CRHR1: variants seen among roughly 807,000 people sequenced by gnomAD.
CRHR1 encodes the protein corticotropin-releasing hormone receptor 1.
In CRHR1, 28 loss-of-function variants were observed where a neutral mutation model predicts 56.0. That is an observed-to-expected ratio of 0.50 (90% CI 0.37 to 0.69). The LOEUF (loss-of-function observed/expected upper bound fraction) is 0.69. Ranked by LOEUF, CRHR1 falls within the 30% of genes least tolerant of loss-of-function variation. The probability of loss-of-function intolerance (pLI) is 0.00; values close to 1 mark genes in which losing one functional copy is unlikely to be tolerated. For missense variants in CRHR1, 376 were observed against 548.0 expected, an observed-to-expected ratio of 0.69 and a Z score of 3.13; for synonymous variants, 195 against 216.5, an observed-to-expected ratio of 0.90 and a Z score of 0.87.
chr17:45,787,164 G>A (rs1458180263), intron 1 of CRHR1, among the ~76,000 whole-genome samples: 1 of 152,212 alleles, frequency 6.6e-6, no homozygotes, highest in Non-Finnish European at 1.5e-5. Flanking sequence ...GGGGGAAAAT[G>A]TGTGTGAATG....
At position 45,821,421 on chromosome 17, in the gene CRHR1, A is replaced by G; in HGVS notation, c.308A>G (p.Gln103Arg). 6.2e-7 allele frequency: 1 copy of G among 1,613,030 alleles called. No individual in the cohort carries two copies. The change falls in exon 4 of 13, where the codon CAG becomes CGG. Residue 103 changes from glutamine to arginine, a missense_variant. Physicochemically the swap from Gln to Arg is conservative, Grantham distance 43. Coordinates refer to ENST00000314537, the MANE Select transcript of CRHR1 (RefSeq NM_004382.5). The part of the protein sequence containing the change: ...WAARVNYSEC[Q>R]EILNEEKKSK... ...GCCCGCGTGAATTACTCCGAGTGCC[A>G]GGAGATCCTCAATGAGGAGGTGAGG... is the stretch of plus-strand genomic sequence containing the variant.
chr17:45,804,423 A>T (rs1472703954), intron 1 of CRHR1, among the ~76,000 whole-genome samples: 1 of 152,040 alleles, frequency 6.6e-6, no homozygotes, highest in East Asian at 1.9e-4. Context: ...CCAGGCTCTG[A>T]CGAGGAGTGG....
intron 7 of CRHR1, 139 bp downstream of exon 7, chr17:45,830,709 T>G: frequency 8.1e-7 from 1 of 1,234,826 alleles, no homozygotes; most frequent in Non-Finnish European, 1.1e-6. Flanking sequence ...GATAGCCCTC[T>G]GCTCCTCTTG....
In CRHR1 at chr17:45,834,678, C is replaced by A; in HGVS notation, c.1162C>A (p.Arg388Ser). 1 of 1,613,590 alleles carries A rather than the reference C, an allele frequency of 6.2e-7. No homozygotes were observed. Among genetic ancestry groups the A allele is most frequent in the Non-Finnish European group, 8.5e-7 (1 of 1,179,926 alleles). ...WHRWQDKHSIRARVARAMSIP... is the reference protein window; with the variant it reads ...WHRWQDKHSISARVARAMSIP... ...CCGGTGGCAGGACAAGCACTCGATC[C>A]GTGCCCGAGTGGCCCGTGCCATGTC... Residue 388 changes from arginine to serine, a missense_variant, in exon 13 of 13, where the codon CGT becomes AGT. Transcript: ENST00000314537.
Position 45,834,914 on chromosome 17 carries a change from C to T in CRHR1, c.*150C>T, listed in dbSNP as rs536694208. On this transcript the variant is annotated 3_prime_UTR_variant, in exon 13 of 13. Transcript: ENST00000314537. ...GCACTGACAGCCTGGGGGGGCCGCT[C>T]TCCCCCTGCAGCCGTGCAGGACTCT... is the stretch of plus-strand genomic sequence containing the variant. 1.9e-6 allele frequency: 2 copies of T among 1,080,316 alleles called. No homozygotes were observed. The highest frequency in any genetic ancestry group is 2.6e-5 in the East Asian group (1 of 38,532). The allele number at this position is 1,080,316 out of a possible 1,614,324, so 66.9% of individuals were successfully genotyped here.
intron 1 of CRHR1, among the ~76,000 whole-genome samples, chr17:45,797,405 C>T (rs529920244): frequency 2.6e-4 from 39 of 151,380 alleles, no homozygotes; most frequent in African/African-American, 8.0e-4. Context: ...ATTCTCCTGC[C>T]TCAGCCTCCC....
In CRHR1 at chr17:45,830,556, T is replaced by C. The variant is rs778189231; in HGVS notation, c.695T>C (p.Ile232Thr). ...GACCGGCTGCGCAAATGGATGTTCA[T>C]CTGCATTGGCTGGGGTGAGCTGGGC... ...STDRLRKWMF[I>T]CIGWGVPFPI... Residue 232 changes from isoleucine to threonine, a missense_variant, in exon 7 of 13, where the codon ATC becomes ACC. Ile to Thr is a moderately conservative substitution (Grantham distance 89). Transcript: ENST00000314537. 4.3e-6 allele frequency: 7 copies of C among 1,610,912 alleles called. No individual in the cohort carries two copies. Among genetic ancestry groups the C allele is most frequent in the Non-Finnish European group, 5.1e-6 (6 of 1,178,518 alleles).
chr17:45,806,149 C>T (rs1184724568), intron 1 of CRHR1, among the ~76,000 whole-genome samples: 1 of 152,176 alleles, frequency 6.6e-6, no homozygotes, highest in East Asian at 1.9e-4. Flanking sequence ...TTGACTCTAA[C>T]CCTGTCGGGA....
intron 1 of CRHR1, among the ~76,000 whole-genome samples, chr17:45,798,264 G>A (rs190697180): frequency 5.9e-5 from 9 of 152,276 alleles, no homozygotes; most frequent in East Asian, 1.9e-4. Flanking sequence ...GGTGGCTCAC[G>A]CCTGTAATCC....
intron 5 of CRHR1, 74 bp downstream of exon 5, chr17:45,829,395 G>A: frequency 2.8e-6 from 4 of 1,443,560 alleles, no homozygotes; most frequent in Non-Finnish European, 2.9e-6. Context: ...AGTGAGAGGA[G>A]CAGCTCTAGG....
chr17:45,817,040 G>T (rs1236238562), intron 3 of CRHR1, among the ~76,000 whole-genome samples: 3 of 152,216 alleles, frequency 2.0e-5, no homozygotes, highest in Non-Finnish European at 4.4e-5. Flanking sequence ...GGGCCCTCCA[G>T]CCAGGAGGCA....
chr17:45,801,237 C>T (rs181871228), intron 1 of CRHR1, among the ~76,000 whole-genome samples: 92 of 152,298 alleles, frequency 6.0e-4, no homozygotes, highest in African/African-American at 2.1e-3. Context: ...TCTTCCAAGG[C>T]GCTGTCTTGA....
At position 45,784,936 on chromosome 17, in the gene CRHR1, G is replaced by A. The variant is rs923954838; in HGVS notation, c.33+359G>A. ...CGCCCTTCCTGCAGACCTCGGCCCC[G>A]GGACTGGAGACTCTGAAGCGGGGTT... On this transcript the variant is annotated intron_variant, in intron 1 of 12. Transcript: ENST00000314537. This position sits in a 1 kb window ranked among gnomAD's most constrained non-coding sequence, Gnocchi z 4.2. Among the ~76,000 whole-genome samples, 1 of 152,112 alleles carries A rather than the reference G, an allele frequency of 6.6e-6. No individual in the cohort carries two copies. Among genetic ancestry groups the A allele is most frequent in the African/African-American group, 2.4e-5 (1 of 41,438 alleles).
At chr17:45,792,139 C>T (rs754574101) in intron 1 of CRHR1, among the ~76,000 whole-genome samples, 6 of 152,098 alleles carry the variant, frequency 3.9e-5, no homozygotes, top group African/African-American at 1.4e-4. Context: ...CTCAGCTGCC[C>T]GTGCCTGGCT....
At chr17:45,818,100 G>A (rs1020163585) in intron 3 of CRHR1, among the ~76,000 whole-genome samples, 2 of 152,194 alleles carry the variant, frequency 1.3e-5, no homozygotes, top group Non-Finnish European at 2.9e-5. Flanking sequence ...ACCAGTTCCT[G>A]TCATGTCCAC....
At chr17:45,808,616 C>A (rs1248140849) in intron 2 of CRHR1, among the ~76,000 whole-genome samples, 1 of 152,072 alleles carries the variant, frequency 6.6e-6, no homozygotes, top group Non-Finnish European at 1.5e-5. Flanking sequence ...GAGTGTCATG[C>A]CAGTACTAGG....
chr17:45,824,630 G>C (rs538036320), intron 4 of CRHR1, among the ~76,000 whole-genome samples: 2 of 152,160 alleles, frequency 1.3e-5, no homozygotes, highest in African/African-American at 4.8e-5. Flanking sequence ...GAAGAGGATC[G>C]GGAGCCCGGT....
intron 1 of CRHR1, among the ~76,000 whole-genome samples, chr17:45,797,827 G>A (rs1247447435): frequency 1.3e-5 from 2 of 152,154 alleles, no homozygotes; most frequent in African/African-American, 4.8e-5. Context: ...TTCAGACCTG[G>A]AAAGGAATGT....
intron 2 of CRHR1, 48 bp from the exon 3 acceptor site, chr17:45,816,415 C>G: frequency 6.2e-7 from 1 of 1,609,234 alleles, no homozygotes; most frequent in Non-Finnish European, 8.5e-7. Flanking sequence ...CTGCCTGGGG[C>G]CTTGGCCGGA....
Sources: allele counts gnomAD v4.1 joint callset (sites outside exome capture counted in the v4.1 genomes callset), GRCh38; gene constraint gnomAD v4.1.1; non-coding constraint Gnocchi (gnomAD v3.1); transcripts MANE v1.5; gene names NCBI Gene and HGNC (gene_info 2026-07-23, HGNC 2026-07-21).